Variants in CYTH1 observed in about 807,000 individuals in gnomAD.
The protein encoded by CYTH1 is cytohesin 1.
In CYTH1, 18 loss-of-function variants were observed where a neutral mutation model predicts 61.8. The ratio of observed to expected loss-of-function variants is 0.29; its 90% CI spans 0.20 to 0.43. The LOEUF is 0.43. Among genes scored for constraint, CYTH1 ranks in the 20% least tolerant of loss-of-function variants. The pLI is 1.00. For missense variants in CYTH1, 336 were observed against 510.5 expected (o/e 0.66, Z 3.29); for synonymous variants, 174 against 184.3 (o/e 0.94, Z 0.45).
chr17:78,698,966 T>C lies in CYTH1; in HGVS notation c.553A>G (p.Thr185Ala), dbSNP rs762785415. Residue 185 changes from threonine (T) to alanine (A), a missense_variant and splice_region_variant, in exon 8 of 14, where the codon ACT (threonine) becomes GCT (alanine). This residue lies in a region of CYTH1 where 125 missense variants were observed against 209.9 expected (regional missense o/e 0.60). Coordinates refer to ENST00000446868, the MANE Select transcript of CYTH1 (RefSeq NM_004762.6). ...ATGGCAAAGGAGAGGACGTAACAAG[T>C]ATCTAAAGATGAGAGAAAAGCAAAG... The part of the protein sequence containing the change: ...CNNGVFQSTD[T>A]CYVLSFAIIM... 6.2e-7 allele frequency: 1 copy of C among 1,609,856 alleles called. No homozygotes were observed. Among genetic ancestry groups the C allele is most frequent in the Non-Finnish European group, 8.5e-7 (1 of 1,178,630 alleles).
In CYTH1 at chr17:78,756,038, T is replaced by G. The variant is rs192151234; in HGVS notation, c.22+26164A>C. ...CTGGTGTACAAAACTGCTGAATATATCCCATCAAATTGTACACTATTTATT... is the reference window on the plus strand; with the variant it reads ...CTGGTGTACAAAACTGCTGAATATAGCCCATCAAATTGTACACTATTTATT... On this transcript the variant is annotated intron_variant, in intron 1 of 13. Coordinates refer to ENST00000446868, the MANE Select transcript of CYTH1 (RefSeq NM_004762.6). Among the ~76,000 whole-genome samples the G allele has an allele frequency of 1.3e-3, 201 of 151,868 alleles. 1 individual carries two copies. The highest frequency in any genetic ancestry group is 1.8e-3 in the Non-Finnish European group (119 of 67,936).
At chr17:78,733,695 G>C (rs985706359) in intron 1 of CYTH1, among the ~76,000 whole-genome samples, 1 of 152,260 alleles carries the variant, frequency 6.6e-6, no homozygotes, top group Non-Finnish European at 1.5e-5. Flanking sequence ...AGGCTTCAGA[G>C]GGGCCAACCT....
intron 1 of CYTH1, among the ~76,000 whole-genome samples, chr17:78,778,522 C>T (rs775360310): frequency 4.0e-5 from 6 of 150,480 alleles, no homozygotes; most frequent in Non-Finnish European, 8.8e-5. Flanking sequence ...CCTGTAATCC[C>T]AGCTACTTGG....
In CYTH1 at chr17:78,685,203, CAA is replaced by C. The variant is rs58642161; in HGVS notation, c.892-4163_892-4162del. 9.6e-3 allele frequency among the ~76,000 whole-genome samples: 577 copies of C among 60,400 alleles called. 10 individuals carry two copies. In the East Asian group the frequency reaches 0.18, roughly 19 times the overall value. The allele number at this position is 60,400 out of a possible 152,430, so 39.6% of individuals were successfully genotyped here. On this transcript the variant is annotated intron_variant, in intron 11 of 13. Transcript: ENST00000446868. ...TGGGTGACAGAGCAAGACTCTGTCTCAAAAAAAAAAAAAAAAAAAAAGGTTTT... is the reference window on the plus strand; with the variant it reads ...TGGGTGACAGAGCAAGACTCTGTCTCAAAAAAAAAAAAAAAAAAAGGTTTT...
chr17:78,752,966 A>G (rs1157462674), intron 1 of CYTH1, among the ~76,000 whole-genome samples: 2 of 152,212 alleles, frequency 1.3e-5, no homozygotes, highest in African/African-American at 4.8e-5. Context: ...AGGACACACA[A>G]GAACACATAA....
At chr17:78,695,581 G>C (rs1342357788) in intron 10 of CYTH1, among the ~76,000 whole-genome samples, 2 of 151,984 alleles carry the variant, frequency 1.3e-5, no homozygotes, top group African/African-American at 4.8e-5. Flanking sequence ...CTTGAAAAAA[G>C]AAGAAAAAAG....
At chr17:78,743,240 A>T (rs904200499) in intron 1 of CYTH1, among the ~76,000 whole-genome samples, 1 of 152,218 alleles carries the variant, frequency 6.6e-6, no homozygotes, top group South Asian at 2.1e-4. Flanking sequence ...AACAATCATT[A>T]TCTCTGGGCG....
At chr17:78,680,168 C>A in intron 13 of CYTH1, 22 bp downstream of exon 13, 2 of 1,613,624 alleles carry the variant, frequency 1.2e-6, no homozygotes, top group Admixed American at 3.3e-5. Flanking sequence ...GCGCGCACTG[C>A]CCTTTCTCAG....
intron 1 of CYTH1, among the ~76,000 whole-genome samples, chr17:78,747,156 A>AG (rs2093362528): frequency 6.7e-6 from 1 of 150,372 alleles, no homozygotes. Flanking sequence ...AAAAAAAAAA[A>AG]AAAAAAAAAA....
chr17:78,749,730 G>C (rs1204703273), intron 1 of CYTH1, among the ~76,000 whole-genome samples: 2 of 151,962 alleles, frequency 1.3e-5, no homozygotes, highest in Admixed American at 6.6e-5. Flanking sequence ...TAGAAGGCAG[G>C]TGGTTTCAGA....
rs2092673925 is a variant in CYTH1 at position 78,674,367 on chromosome 17, C to G, written c.*1724G>C. ...AGCTGGACAGGCTCCAGCACCGGCC[C>G]AAACACGCCCAGACCTCGGCAGGCA... On this transcript the variant is annotated 3_prime_UTR_variant, in exon 14 of 14. Coordinates refer to ENST00000446868, the MANE Select transcript of CYTH1 (RefSeq NM_004762.6). 1 of 152,304 alleles carries G rather than the reference C, an allele frequency of 6.6e-6. No individual in the cohort carries two copies. Among genetic ancestry groups the G allele is most frequent in the Non-Finnish European group, 1.5e-5 (1 of 68,072 alleles). The allele number at this position is 152,304 out of a possible 1,614,324, so 9.4% of individuals were successfully genotyped here.
At chr17:78,714,124 T>A (rs2093160972) in intron 1 of CYTH1, among the ~76,000 whole-genome samples, 1 of 151,354 alleles carries the variant, frequency 6.6e-6, no homozygotes, top group South Asian at 2.1e-4. Context: ...ACCCCGTCTC[T>A]ACTAAAAATA....
Position 78,696,013 on chromosome 17 carries a change from G to C in CYTH1, c.812-4C>G. 7.3e-7 allele frequency: 1 copy of C among 1,367,902 alleles called. No homozygotes were observed. The highest frequency in any genetic ancestry group is 9.8e-7 in the Non-Finnish European group (1 of 1,021,998). 84.7% of individuals were successfully genotyped at this position (1,367,902 alleles called of 1,614,324 possible). On this transcript the variant is annotated splice_region_variant and splice_polypyrimidine_tract_variant and intron_variant, in intron 9 of 13. Transcript: ENST00000446868. ...CAGGCTGAGGGTTACATACCTCCTG[G>C]AGTTTGGGGCAAGGAAAAGGAGAGC...
rs184522423 is a variant in CYTH1 at position 78,690,564 on chromosome 17, C to T, written c.891+1853G>A. ...AAACAAAAAAAAACGGATGTGGTGGCGCACGCCTCTAGTCCCAGCTACTCA... is the reference window on the plus strand; with the variant it reads ...AAACAAAAAAAAACGGATGTGGTGGTGCACGCCTCTAGTCCCAGCTACTCA... On this transcript the variant is annotated intron_variant, in intron 11 of 13. Coordinates refer to ENST00000446868, the MANE Select transcript of CYTH1 (RefSeq NM_004762.6). Among the ~76,000 whole-genome samples the T allele has an allele frequency of 3.0e-3, 462 of 151,494 alleles. 3 individuals carry two copies. Among genetic ancestry groups the T allele is most frequent in the African/African-American group, 9.8e-3 (405 of 41,280 alleles).
intron 1 of CYTH1, chr17:78,716,979 C>T (rs565057339): frequency 3.3e-5 from 5 of 152,184 alleles, no homozygotes; most frequent in Non-Finnish European, 2.9e-5. Context: ...CTGGGAAACC[C>T]GTCTATTCAT....
intron 1 of CYTH1, among the ~76,000 whole-genome samples, chr17:78,756,983 T>C (rs2093403913): frequency 6.7e-6 from 1 of 149,118 alleles, no homozygotes; most frequent in African/African-American, 2.5e-5. Flanking sequence ...TTTTTTCTTT[T>C]TTTTCTTTTT....
intron 1 of CYTH1, among the ~76,000 whole-genome samples, chr17:78,739,880 A>G (rs1409563328): frequency 2.0e-5 from 3 of 152,166 alleles, no homozygotes; most frequent in Non-Finnish European, 4.4e-5. Context: ...AAAAGAGAGA[A>G]GTCAAGGGTG....
At position 78,771,662 on chromosome 17, in the gene CYTH1, T is replaced by G. The variant is rs146147644; in HGVS notation, c.22+10540A>C. 6.3e-3 allele frequency among the ~76,000 whole-genome samples: 941 copies of G among 150,360 alleles called. 12 individuals carry two copies. The highest frequency in any genetic ancestry group is 0.022 in the African/African-American group (893 of 40,812). On this transcript the variant is annotated intron_variant, in intron 1 of 13. Transcript: ENST00000446868. ...AGGAGATTTGCTTGAACCAGGGAGTTGGAGGTTGTAGTGAGCTGAGATTGC... is the reference window on the plus strand; with the variant it reads ...AGGAGATTTGCTTGAACCAGGGAGTGGGAGGTTGTAGTGAGCTGAGATTGC...
At chr17:78,755,483 GGTTT>G (rs1341956860) in intron 1 of CYTH1, among the ~76,000 whole-genome samples, 47 of 43,216 alleles carry the variant, frequency 1.1e-3, no homozygotes, top group African/African-American at 5.0e-3. Flanking sequence ...GTTGGCAGTG[GGTTT>G]ATTTAAAAAA....
Sources: gnomAD v4.1 joint callset for allele counts (sites outside exome capture counted in the v4.1 genomes callset) on GRCh38, gnomAD v4.1.1 for gene constraint, gnomAD v4.1.1 regional missense constraint, MANE v1.5 for transcripts, NCBI Gene and HGNC (gene_info 2026-07-23, HGNC 2026-07-21) for gene names.